HMX1: variants seen among roughly 807,000 people sequenced by gnomAD.
HMX1 encodes the protein homeobox protein HMX1.
In HMX1, 8 loss-of-function variants were observed where a neutral mutation model predicts 8.9. The ratio of observed to expected loss-of-function variants is 0.90; its 90% CI spans 0.53 to 1.63. HMX1 has a LOEUF of 1.63. Among genes scored for constraint, HMX1 ranks in the 40% most tolerant of loss-of-function variants. The pLI is 0.00. For missense variants in HMX1, 621 were observed against 558.5 expected (o/e 1.11, Z -1.13); for synonymous variants, 311 against 283.4 (o/e 1.10, Z -0.98).
At chr4:8,856,156 G>A (rs540043934) in intron 1 of HMX1, among the ~76,000 whole-genome samples, 4 of 152,314 alleles carry the variant, frequency 2.6e-5, no homozygotes, top group African/African-American at 9.6e-5. Context: ...AGGGAGGGAA[G>A]GGCCCTGAGT....
chr4:8,856,168 C>T (rs909145506), intron 1 of HMX1, among the ~76,000 whole-genome samples: 1 of 152,186 alleles, frequency 6.6e-6, no homozygotes, highest in Non-Finnish European at 1.5e-5. Context: ...GCCCTGAGTG[C>T]TTTTGAGTGG....
chr4:8,871,176 G>A lies in HMX1; in HGVS notation c.394+45C>T. 7.4e-7 allele frequency: 1 copy of A among 1,353,992 alleles called. No homozygotes were observed. The highest frequency in any genetic ancestry group is 9.5e-7 in the Non-Finnish European group (1 of 1,053,260). The allele number at this position is 1,353,992 out of a possible 1,614,324, so 83.9% of individuals were successfully genotyped here. ...CCCCCAGCAAATGCGCAGGGAGGAA[G>A]TCGGGCCCCACCGCCTGACCCACCC... On this transcript the variant is annotated intron_variant, in intron 1 of 1. Transcript: ENST00000400677. The surrounding 1 kb of genome is among the most constrained non-coding windows in gnomAD (Gnocchi z 4.8).
At chr4:8,864,480 CCATT>C (rs1397305428), downstream of HMX1, among the ~76,000 whole-genome samples, 1 of 152,144 alleles carries the variant, frequency 6.6e-6, no homozygotes, top group African/African-American at 2.4e-5. Flanking sequence ...CAGATCGAAG[CCATT>C]CATCTTCTGC....
rs760220697 is a variant in HMX1, at chr4:8,867,412, T to A, written c.*281A>T. 3.5e-5 allele frequency: 38 copies of A among 1,071,070 alleles called. No individual in the cohort carries two copies. The highest frequency in any genetic ancestry group is 4.2e-5 in the Non-Finnish European group (37 of 887,186). The allele number at this position is 1,071,070 out of a possible 1,614,324, so 66.3% of individuals were successfully genotyped here. A position where few individuals can be genotyped will look rare whatever the true frequency, so the allele number is the denominator to read the frequency against. On this transcript the variant is annotated 3_prime_UTR_variant, in exon 2 of 2. Transcript: ENST00000400677. ...ACCGCTCCTCGCTGAGGCCGGGGGG[T>A]GGCCGTGGCGCCGGGGGCTGCGCAG...
chr4:8,847,497 GGAA>G lies in HMX1; in HGVS notation c.395-1176_395-1174del, dbSNP rs1241873186. Among the ~76,000 whole-genome samples the G allele has an allele frequency of 6.6e-6, 1 of 152,178 alleles. No individual in the cohort carries two copies. The highest frequency in any genetic ancestry group is 1.5e-5 in the Non-Finnish European group (1 of 68,040). Reference sequence around the variant, plus strand: ...CGGAAGCCACTGAGCCCTGCTCTTCGGAAGATGCTGGGCCGGGCACAACTCCTG... The same window carrying G: ...CGGAAGCCACTGAGCCCTGCTCTTCGGATGCTGGGCCGGGCACAACTCCTG... On this transcript the variant is annotated intron_variant, in intron 1 of 1. Transcript: ENST00000506970. This position sits in a 1 kb window ranked among gnomAD's most constrained non-coding sequence, Gnocchi z 6.0.
downstream of HMX1, among the ~76,000 whole-genome samples, chr4:8,862,996 C>G (rs1272222725): frequency 6.6e-6 from 1 of 152,188 alleles, no homozygotes; most frequent in African/African-American, 2.4e-5. Context: ...GGTGATCCGC[C>G]TTGGGGACCT....
intron 1 of HMX1, chr4:8,858,808 A>AGCATC (rs1721699657): frequency 6.6e-6 from 1 of 152,256 alleles, no homozygotes. Context: ...AAACTCTCGG[A>AGCATC]GCATCGTCAC....
rs1721380255 is a variant in HMX1, at chr4:8,849,541, C to T, written c.395-3217G>A. ...CGCCTGGGGCTCAGACTTGTGGTCC[C>T]CAGAACTGCAAGATAAAACATTTCA... is the stretch of plus-strand genomic sequence containing the variant. On this transcript the variant is annotated intron_variant, in intron 1 of 1. Transcript: ENST00000506970. This position sits in a 1 kb window ranked among gnomAD's most constrained non-coding sequence, Gnocchi z 6.6. Among the ~76,000 whole-genome samples, 1 of 152,104 alleles carries T rather than the reference C, an allele frequency of 6.6e-6. No individual in the cohort carries two copies. Among genetic ancestry groups the T allele is most frequent in the South Asian group, 2.1e-4 (1 of 4,828 alleles).
intron 1 of HMX1, among the ~76,000 whole-genome samples, chr4:8,850,100 CTGAA>C (rs1348169496): frequency 1.3e-5 from 2 of 152,324 alleles, no homozygotes; most frequent in African/African-American, 4.8e-5. Flanking sequence ...AGTCTGTTGA[CTGAA>C]TGAGTGAAGG....
chr4:8,864,573 C>T (rs1188394218), downstream of HMX1, among the ~76,000 whole-genome samples: 4 of 152,204 alleles, frequency 2.6e-5, no homozygotes, highest in African/African-American at 7.2e-5. Flanking sequence ...GCCAGGCGTA[C>T]CCCCTGCTTG....
At position 8,871,236 on chromosome 4, in the gene HMX1, C is replaced by CGCCT; in HGVS notation, c.375_378dup (p.Gly127ArgfsTer6). The stretch of plus-strand genomic sequence containing the variant: ...CCTCACTCACTGTCAGGACTGAGGC[C>CGCCT]GCCTCCATAGCCACCGTGCGCCCGT... On this transcript the variant is annotated frameshift_variant, in exon 1 of 2. Coordinates refer to ENST00000400677, the MANE Select transcript of HMX1 (RefSeq NM_018942.3). LOFTEE classifies it low-confidence loss of function (END_TRUNC). The surrounding 1 kb of genome is among the most constrained non-coding windows in gnomAD (Gnocchi z 4.8). 6.7e-7 allele frequency: 1 copy of CGCCT among 1,482,962 alleles called. No homozygotes were observed. The allele number at this position is 1,482,962 out of a possible 1,614,324, so 91.9% of individuals were successfully genotyped here.
intron 1 of HMX1, among the ~76,000 whole-genome samples, chr4:8,856,443 C>A (rs561572198): frequency 6.6e-6 from 1 of 151,954 alleles, no homozygotes; most frequent in Non-Finnish European, 1.5e-5. Flanking sequence ...TGCTGAGTAG[C>A]TCTGGTACAA....
rs1722112697 is a variant in HMX1, at chr4:8,868,673, G to C, written c.395-328C>G. Among the ~76,000 whole-genome samples the C allele has an allele frequency of 6.6e-6, 1 of 152,120 alleles. No homozygotes were observed. Among genetic ancestry groups the C allele is most frequent in the East Asian group, 1.9e-4 (1 of 5,196 alleles). On this transcript the variant is annotated intron_variant, in intron 1 of 1. Transcript: ENST00000400677. This position sits in a 1 kb window ranked among gnomAD's most constrained non-coding sequence, Gnocchi z 4.6. Reference sequence around the variant, plus strand: ...ACAAAAATACTACACAAGAAAAGCAGGCTGACCCCAGTGAGCACTCCCCAC... The same window carrying C: ...ACAAAAATACTACACAAGAAAAGCACGCTGACCCCAGTGAGCACTCCCCAC...
chr4:8,851,681 G>A (rs562398402), intron 1 of HMX1, among the ~76,000 whole-genome samples: 1 of 152,362 alleles, frequency 6.6e-6, no homozygotes, highest in East Asian at 1.9e-4. Flanking sequence ...GCATGAATCT[G>A]CCATGGGCCT....
downstream of HMX1, among the ~76,000 whole-genome samples, chr4:8,863,430 G>A (rs1333216590): frequency 6.6e-6 from 1 of 152,236 alleles, no homozygotes; most frequent in East Asian, 1.9e-4. Flanking sequence ...TTCCGTCTCC[G>A]CCCAGCTGGG....
downstream of HMX1, among the ~76,000 whole-genome samples, chr4:8,863,053 TGGGACCCACTTCCCAGC>T (rs1162185465): frequency 6.6e-5 from 1 of 15,042 alleles, no homozygotes; most frequent in Non-Finnish European, 1.1e-4. Context: ...TTCCGGTGGC[TGGGACCCACTTCCCAGC>T]GGGACCCTGG....
intron 1 of HMX1, among the ~76,000 whole-genome samples, chr4:8,861,517 C>G (rs1005738429): frequency 1.3e-5 from 2 of 152,172 alleles, no homozygotes; most frequent in Admixed American, 6.5e-5. Context: ...GATGCACGCG[C>G]GCGCGGGATC....
chr4:8,868,885 T>C lies in HMX1; in HGVS notation c.395-540A>G, dbSNP rs1722119697. On this transcript the variant is annotated intron_variant, in intron 1 of 1. Transcript: ENST00000400677. The surrounding 1 kb of genome is among the most constrained non-coding windows in gnomAD (Gnocchi z 4.6). Reference sequence around the variant, plus strand: ...GAGGAATGAAGAGTTCACAGGCCTCTTCCCGCGCCCTCTGCCCGCTTGCAC... The same window carrying C: ...GAGGAATGAAGAGTTCACAGGCCTCCTCCCGCGCCCTCTGCCCGCTTGCAC... Among the ~76,000 whole-genome samples, 1 of 152,094 alleles carries C rather than the reference T, an allele frequency of 6.6e-6. No individual in the cohort carries two copies. Among genetic ancestry groups the C allele is most frequent in the Admixed American group, 6.5e-5 (1 of 15,278 alleles).
rs1722235938 is a variant in HMX1 at position 8,871,777 on chromosome 4, T to C, written c.-163A>G. Reference sequence around the variant, plus strand: ...CGGCGGCCTCCGCGCCGGGCTGGGCTGGGCCGGGCCGGGAGCGAGTGCGCG... The same window carrying C: ...CGGCGGCCTCCGCGCCGGGCTGGGCCGGGCCGGGCCGGGAGCGAGTGCGCG... On this transcript the variant is annotated 5_prime_UTR_variant, in exon 1 of 2. Transcript: ENST00000400677. The surrounding 1 kb of genome is among the most constrained non-coding windows in gnomAD (Gnocchi z 4.8). The C allele has an allele frequency of 4.4e-6, 4 of 906,376 alleles. No individual in the cohort carries two copies. Among genetic ancestry groups the C allele is most frequent in the East Asian group, 1.1e-4 (1 of 8,712 alleles). The allele number at this position is 906,376 out of a possible 1,614,324, so 56.1% of individuals were successfully genotyped here. A position where few individuals can be genotyped will look rare whatever the true frequency, so the allele number is the denominator to read the frequency against.
Sources: gnomAD v4.1 joint callset for allele counts (sites outside exome capture counted in the v4.1 genomes callset) on GRCh38, gnomAD v4.1.1 for gene constraint, Gnocchi (gnomAD v3.1) non-coding constraint, MANE v1.5 for transcripts, NCBI Gene and HGNC (gene_info 2026-07-23, HGNC 2026-07-21) for gene names.